Variants in ARHGEF26 observed in about 807,000 individuals in gnomAD.
ARHGEF26 encodes the protein Rho guanine nucleotide exchange factor 26.
Under a neutral mutation model 89.4 loss-of-function variants are expected in ARHGEF26, and 59 were observed. The observed-to-expected ratio is 0.66, with a 90% CI of 0.54 to 0.82. The LOEUF is 0.82. Ranked by LOEUF, ARHGEF26 falls within the 40% of genes least tolerant of loss-of-function variation. The probability of loss-of-function intolerance (pLI) is 0.00; values close to 1 mark genes in which losing one functional copy is unlikely to be tolerated. For missense variants in ARHGEF26, 1,234 were observed against 1,085.6 expected (o/e 1.14, Z -1.92); for synonymous variants, 500 against 428.4 (o/e 1.17, Z -2.06).
intron 4 of ARHGEF26, among the ~76,000 whole-genome samples, chr3:154,146,072 A>G (rs763170203): frequency 7.9e-5 from 12 of 152,170 alleles, no homozygotes; most frequent in African/African-American, 2.7e-4. Flanking sequence ...ATAACAAAAT[A>G]CCATAAATTG....
Position 154,199,670 on chromosome 3 carries a change from C to T in ARHGEF26, c.1845+4952C>T, listed in dbSNP as rs192585019. On this transcript the variant is annotated intron_variant, in intron 9 of 14. Transcript: ENST00000465093. ...TCTCCATAGTGGTTGTACTAATTTA[C>T]ATGCCCACCATCAGTGTATGAGGGT... Among the ~76,000 whole-genome samples, 90 of 152,310 alleles carry T rather than the reference C, an allele frequency of 5.9e-4. 2 individuals are homozygous for T. The highest frequency in any genetic ancestry group is 5.8e-3 in the Admixed American group (89 of 15,286).
At chr3:154,249,800 AG>A (rs1383717565) in intron 12 of ARHGEF26, among the ~76,000 whole-genome samples, 1 of 152,206 alleles carries the variant, frequency 6.6e-6, no homozygotes, top group African/African-American at 2.4e-5. Context: ...CAAAGGGAAA[AG>A]TCTGTGAACT....
intron 6 of ARHGEF26, among the ~76,000 whole-genome samples, chr3:154,174,111 G>A (rs1011405029): frequency 1.1e-4 from 16 of 152,114 alleles, no homozygotes; most frequent in African/African-American, 3.9e-4. Context: ...ACCTGCCCTG[G>A]CAGCCAGGCC....
intron 6 of ARHGEF26, among the ~76,000 whole-genome samples, chr3:154,186,971 AAC>A (rs1230690647): frequency 8.0e-6 from 1 of 125,434 alleles, no homozygotes; most frequent in Non-Finnish European, 1.6e-5. Context: ...GGCTCACTGC[AAC>A]CTCCGCCTCC....
At chr3:154,207,181 G>C (rs1301542948) in intron 9 of ARHGEF26, among the ~76,000 whole-genome samples, 1 of 152,092 alleles carries the variant, frequency 6.6e-6, no homozygotes, top group African/African-American at 2.4e-5. Context: ...ATACCATTCG[G>C]GACATAGGCA....
At chr3:154,151,858 C>T (rs1720043500) in intron 5 of ARHGEF26, among the ~76,000 whole-genome samples, 2 of 152,252 alleles carry the variant, frequency 1.3e-5, no homozygotes, top group East Asian at 1.9e-4. Context: ...GGGTGGAGCC[C>T]TGGAGATCAG....
In ARHGEF26 at chr3:154,255,959, C is replaced by T. The variant is rs755169120; in HGVS notation, c.*486C>T. ...TCTTTTTTTACATCTGATTTTAATGCTTCGTTAACTTCAAAAGGAACTGGT... is the reference window on the plus strand; with the variant it reads ...TCTTTTTTTACATCTGATTTTAATGTTTCGTTAACTTCAAAAGGAACTGGT... On this transcript the variant is annotated 3_prime_UTR_variant, in exon 15 of 15. Transcript: ENST00000465093. The T allele has an allele frequency of 1.9e-5, 19 of 985,492 alleles. No homozygotes were observed. Among genetic ancestry groups the T allele is most frequent in the Non-Finnish European group, 2.3e-5 (19 of 830,198 alleles). The allele number at this position is 985,492 out of a possible 1,614,324, so 61.0% of individuals were successfully genotyped here.
intron 12 of ARHGEF26, among the ~76,000 whole-genome samples, chr3:154,242,329 A>G (rs1717522075): frequency 6.6e-6 from 1 of 152,226 alleles, no homozygotes; most frequent in South Asian, 2.1e-4. Flanking sequence ...GGAGATCAAC[A>G]TATCAACATG....
intron 3 of ARHGEF26, 119 bp from the exon 4 acceptor site, chr3:154,129,455 G>A: frequency 9.0e-7 from 1 of 1,116,604 alleles, no homozygotes; most frequent in Non-Finnish European, 1.3e-6. Context: ...GACTAAATCT[G>A]TTTGTCTCTC....
At chr3:154,173,143 G>T (rs1469543327) in intron 6 of ARHGEF26, among the ~76,000 whole-genome samples, 1 of 152,050 alleles carries the variant, frequency 6.6e-6, no homozygotes, top group Non-Finnish European at 1.5e-5. Context: ...GCCATTTCAA[G>T]GGAATTTATT....
chr3:154,253,221 G>C (rs765929076), intron 13 of ARHGEF26, 38 bp downstream of exon 13: 11 of 1,612,150 alleles, frequency 6.8e-6, no homozygotes, highest in African/African-American at 1.3e-5. Flanking sequence ...TGGGAACATG[G>C]ATGGGCTCTG....
At chr3:154,128,182 A>G (rs1718452922) in intron 3 of ARHGEF26, among the ~76,000 whole-genome samples, 1 of 152,180 alleles carries the variant, frequency 6.6e-6, no homozygotes, top group Non-Finnish European at 1.5e-5. Flanking sequence ...GTAAAAATCA[A>G]AGTCCTTTAA....
chr3:154,202,280 G>A (rs555027670), intron 9 of ARHGEF26, among the ~76,000 whole-genome samples: 1 of 152,226 alleles, frequency 6.6e-6, no homozygotes, highest in South Asian at 2.1e-4. Context: ...CCTATTTCTT[G>A]TTTTTGTCAA....
intron 12 of ARHGEF26, among the ~76,000 whole-genome samples, chr3:154,251,433 T>C (rs1718139502): frequency 2.0e-5 from 3 of 152,198 alleles, no homozygotes; most frequent in Admixed American, 1.3e-4. Context: ...TTGGGCTCAA[T>C]ATGTGATGAG....
At chr3:154,202,347 C>G (rs1714697727) in intron 9 of ARHGEF26, among the ~76,000 whole-genome samples, 1 of 152,130 alleles carries the variant, frequency 6.6e-6, no homozygotes, top group African/African-American at 2.4e-5. Context: ...GGGCTCTGTT[C>G]TGTTCCCTTG....
intron 12 of ARHGEF26, among the ~76,000 whole-genome samples, chr3:154,251,876 G>A (rs531656596): frequency 2.0e-5 from 3 of 152,270 alleles, no homozygotes; most frequent in African/African-American, 4.8e-5. Flanking sequence ...AATGCCTGGC[G>A]CATCTGTGTC....
intron 8 of ARHGEF26, among the ~76,000 whole-genome samples, chr3:154,192,657 C>G (rs1714021110): frequency 6.6e-6 from 1 of 152,104 alleles, no homozygotes. Context: ...GCTAAGTTAT[C>G]AGAATCGAAT....
At chr3:154,210,972 G>T (rs982114336) in intron 9 of ARHGEF26, among the ~76,000 whole-genome samples, 8 of 151,620 alleles carry the variant, frequency 5.3e-5, no homozygotes, top group African/African-American at 1.7e-4. Context: ...TGTCTGGGAG[G>T]TGGGGCCTGG....
In ARHGEF26 at chr3:154,256,945, T is replaced by C. The variant is rs767686274; in HGVS notation, c.*1472T>C. The C allele has an allele frequency of 3.0e-5, 46 of 1,533,574 alleles. No homozygotes were observed. Among genetic ancestry groups the C allele is most frequent in the Non-Finnish European group, 3.8e-5 (44 of 1,146,122 alleles). 95.0% of individuals were successfully genotyped at this position (1,533,574 alleles called of 1,614,324 possible). ...TGGGAGATTAAGAGGGGGGAAATGA[T>C]TTTTACTGGCAGCTATATTCCCTCT... On this transcript the variant is annotated 3_prime_UTR_variant, in exon 15 of 15. Coordinates refer to ENST00000465093, the MANE Select transcript of ARHGEF26 (RefSeq NM_015595.4).
Sources: allele counts gnomAD v4.1 joint callset (sites outside exome capture counted in the v4.1 genomes callset), GRCh38; gene constraint gnomAD v4.1.1; transcripts MANE v1.5; gene names NCBI Gene and HGNC (gene_info 2026-07-23, HGNC 2026-07-21).